MPP7: variants seen among roughly 807,000 people sequenced by gnomAD.
MPP7 encodes the protein MAGUK p55 subfamily member 7.
MPP7 carries 60 observed loss-of-function variants against 76.5 expected under a neutral mutation model. That is an observed-to-expected ratio of 0.78 (90% CI 0.64 to 0.97). MPP7 has a LOEUF of 0.97. Ranked by LOEUF, MPP7 falls within the 50% of genes least tolerant of loss-of-function variation. The probability of loss-of-function intolerance (pLI) is 0.00; values close to 1 mark genes in which losing one functional copy is unlikely to be tolerated. For synonymous variants in MPP7, 237 were observed against 244.5 expected, an observed-to-expected ratio of 0.97 and a Z score of 0.29; for missense variants, 641 against 694.0, an observed-to-expected ratio of 0.92 and a Z score of 0.86.
intron 1 of MPP7, among the ~76,000 whole-genome samples, chr10:28,270,346 G>T (rs1840281214): frequency 6.6e-6 from 1 of 152,078 alleles, no homozygotes; most frequent in Admixed American, 6.6e-5. Flanking sequence ...CAGCCCAGCA[G>T]TTCAGAAGCT....
chr10:28,092,760 T>TTTTTTTGA (rs60093827), intron 11 of MPP7, among the ~76,000 whole-genome samples: 1 of 145,678 alleles, frequency 6.9e-6, no homozygotes. Flanking sequence ...TTTTTTTTTT[T>TTTTTTTGA]GAAGAGATAA....
intron 12 of MPP7, among the ~76,000 whole-genome samples, chr10:28,081,387 A>G (rs779961200): frequency 1.3e-5 from 2 of 152,240 alleles, no homozygotes; most frequent in Non-Finnish European, 2.9e-5. Flanking sequence ...ATGTAGGAAA[A>G]TGTATTAAAA....
chr10:28,200,961 CCA>C (rs1324977965), intron 3 of MPP7, among the ~76,000 whole-genome samples: 3 of 152,140 alleles, frequency 2.0e-5, no homozygotes, highest in African/African-American at 7.2e-5. Context: ...TATCCAACTT[CCA>C]CACAGTCAAC....
intron 3 of MPP7, among the ~76,000 whole-genome samples, chr10:28,158,661 C>T (rs1251859520): frequency 6.6e-6 from 1 of 152,146 alleles, no homozygotes. Context: ...GTTGCTTGGC[C>T]TACAAATGAT....
chr10:28,226,313 C>T (rs1405349935), intron 2 of MPP7, among the ~76,000 whole-genome samples: 2 of 151,508 alleles, frequency 1.3e-5, no homozygotes, highest in South Asian at 4.2e-4. Flanking sequence ...GTGGTATAAT[C>T]TCGGCTCACT....
At chr10:28,313,018 G>A (rs1841298066) in intron 2 of MPP7, among the ~76,000 whole-genome samples, 1 of 152,150 alleles carries the variant, frequency 6.6e-6, no homozygotes, top group South Asian at 2.1e-4. Context: ...CAGGACCCAG[G>A]CTTCACTTCC....
intron 11 of MPP7, 88 bp downstream of exon 11, chr10:28,119,563 A>G: frequency 1.0e-6 from 1 of 990,704 alleles, no homozygotes; most frequent in Admixed American, 1.9e-5. Context: ...GGGTAATAGG[A>G]CCCTTTGTTC....
intron 1 of MPP7, among the ~76,000 whole-genome samples, chr10:28,264,573 C>CTTT (rs760311602): frequency 2.9e-5 from 4 of 135,614 alleles, no homozygotes; most frequent in African/African-American, 5.4e-5. Context: ...CCTCAGGGAG[C>CTTT]TTTTTTTTTT....
At chr10:28,193,300 C>T (rs745527444) in intron 3 of MPP7, among the ~76,000 whole-genome samples, 4 of 151,556 alleles carry the variant, frequency 2.6e-5, no homozygotes, top group Admixed American at 6.6e-5. Flanking sequence ...GCAAGCTCTG[C>T]CTCTCGGGTT....
intron 1 of MPP7, among the ~76,000 whole-genome samples, chr10:28,253,673 C>T (rs978083526): frequency 1.3e-5 from 2 of 152,084 alleles, no homozygotes; most frequent in African/African-American, 4.8e-5. Flanking sequence ...TACTTGACTG[C>T]TCAAGACATC....
At chr10:28,140,918 T>C (rs1447853634) in intron 5 of MPP7, among the ~76,000 whole-genome samples, 3 of 152,174 alleles carry the variant, frequency 2.0e-5, no homozygotes, top group Non-Finnish European at 2.9e-5. Flanking sequence ...AACATTTCTT[T>C]TTCAAAGGTC....
chr10:28,212,332 T>C (rs1465197004), intron 2 of MPP7, among the ~76,000 whole-genome samples: 5 of 152,144 alleles, frequency 3.3e-5, no homozygotes, highest in African/African-American at 4.8e-5. Context: ...GAACTTAATA[T>C]GAATTTCTGT....
At chr10:28,100,081 G>GA (rs57835076) in intron 11 of MPP7, among the ~76,000 whole-genome samples, 24 of 108,270 alleles carry the variant, frequency 2.2e-4, no homozygotes, top group African/African-American at 6.2e-4. Context: ...TAACTACAAG[G>GA]AAAAAAAAAA....
At chr10:28,057,571 G>A (rs1851605213) in intron 15 of MPP7, 1 of 337,656 alleles carries the variant, frequency 3.0e-6, no homozygotes, top group Non-Finnish European at 3.9e-6. Flanking sequence ...CACGCTTCCT[G>A]TACAGTCTGC....
rs991980976 is a variant in MPP7, at chr10:28,076,882, C to A, written c.1124-7030G>T. Among the ~76,000 whole-genome samples, 3 of 140,912 alleles carry A rather than the reference C, an allele frequency of 2.1e-5. No individual in the cohort carries two copies. The East Asian group carries it at 9.9e-4, about 47-fold the overall frequency. The allele number at this position is 140,912 out of a possible 152,430, so 92.4% of individuals were successfully genotyped here. On this transcript the variant is annotated intron_variant, in intron 12 of 16. Coordinates refer to ENST00000683449, the MANE Select transcript of MPP7 (RefSeq NM_001318170.2). ...TAGCCTGGGTGACAGAGTAAGACTC[C>A]GTCTGAAAAAAAAAAAAAAATGCAA...
intron 2 of MPP7, among the ~76,000 whole-genome samples, chr10:28,227,709 C>G (rs1031149004): frequency 6.6e-5 from 10 of 152,146 alleles, no homozygotes; most frequent in Admixed American, 6.5e-5. Flanking sequence ...TTTTCTTTAT[C>G]CAGTCTATCA....
At chr10:28,128,693 A>C (rs933082355) in intron 6 of MPP7, among the ~76,000 whole-genome samples, 1 of 152,224 alleles carries the variant, frequency 6.6e-6, no homozygotes, top group Non-Finnish European at 1.5e-5. Flanking sequence ...GGTGGAACAG[A>C]TTTGGGGACA....
rs56940942 is a variant in MPP7 at position 28,262,208 on chromosome 10, CATATATATAT to C, written c.-131-23483_-131-23474del. 1.0e-4 allele frequency among the ~76,000 whole-genome samples: 6 copies of C among 60,074 alleles called. 1 individual carries two copies. Among genetic ancestry groups the C allele is most frequent in the African/African-American group, 4.8e-4 (5 of 10,384 alleles). 39.4% of individuals were successfully genotyped at this position (60,074 alleles called of 152,430 possible). On this transcript the variant is annotated intron_variant, in intron 1 of 16. Transcript: ENST00000683449. ...AATTATATATATATATATATATATA[CATATATATAT>C]ATATATACATATATATATATATATA... is the stretch of plus-strand genomic sequence containing the variant.
chr10:28,200,839 C>T (rs781251410), intron 3 of MPP7, among the ~76,000 whole-genome samples: 7 of 152,114 alleles, frequency 4.6e-5, no homozygotes, highest in Non-Finnish European at 1.0e-4. Flanking sequence ...AATGAATATG[C>T]ATCCATTGTT....
Sources: allele counts gnomAD v4.1 joint callset (sites outside exome capture counted in the v4.1 genomes callset), GRCh38; gene constraint gnomAD v4.1.1; transcripts MANE v1.5; gene names NCBI Gene and HGNC (gene_info 2026-07-23, HGNC 2026-07-21).